Variants in PPP2R5E observed in about 807,000 individuals in gnomAD.
PPP2R5E encodes serine/threonine-protein phosphatase 2A 56 kDa regulatory subunit epsilon isoform.
A neutral mutation model predicts 65.3 loss-of-function variants in PPP2R5E; 4 were observed. The observed-to-expected ratio is 0.06, with a 90% CI of 0.03 to 0.14. The LOEUF is 0.14. Ranked by LOEUF, PPP2R5E falls within the 10% of genes least tolerant of loss-of-function variation. PPP2R5E has a pLI of 1.00. For missense variants in PPP2R5E, 274 were observed against 556.1 expected, an observed-to-expected ratio of 0.49 and a Z score of 5.10; for synonymous variants, 183 against 187.4, an observed-to-expected ratio of 0.98 and a Z score of 0.19.
chr14:63,372,948 A>G lies in PPP2R5E; in HGVS notation c.*3061T>C, dbSNP rs1883770563. 1 of 152,186 alleles carries G rather than the reference A, an allele frequency of 6.6e-6. No individual in the cohort carries two copies. The highest frequency in any genetic ancestry group is 2.1e-4 in the South Asian group (1 of 4,834). The allele number at this position is 152,186 out of a possible 1,614,324, so 9.4% of individuals were successfully genotyped here. On this transcript the variant is annotated 3_prime_UTR_variant, in exon 14 of 14. Transcript: ENST00000337537. The stretch of plus-strand genomic sequence containing the variant: ...TTTTTTTTCTTTTCTTTTATAAAAA[A>G]CAGTCAAATGTTAGGGAGAGCAAAA...
intron 4 of PPP2R5E, among the ~76,000 whole-genome samples, chr14:63,416,234 TG>T (rs1886675159): frequency 6.6e-6 from 1 of 152,224 alleles, no homozygotes; most frequent in Non-Finnish European, 1.5e-5. Flanking sequence ...GAGGGAGGAC[TG>T]CTTCAGCCCA....
At chr14:63,490,975 T>C (rs902434616) in intron 2 of PPP2R5E, among the ~76,000 whole-genome samples, 4 of 151,660 alleles carry the variant, frequency 2.6e-5, no homozygotes, top group African/African-American at 7.3e-5. Context: ...AGGAAAGATA[T>C]GGAATCAACC....
intron 2 of PPP2R5E, among the ~76,000 whole-genome samples, chr14:63,519,277 G>A (rs951731567): frequency 6.6e-6 from 1 of 152,174 alleles, no homozygotes; most frequent in Non-Finnish European, 1.5e-5. Context: ...ACTGGGTAGG[G>A]GATCTAGAGG....
chr14:63,377,047 C>T (rs1386176644), intron 13 of PPP2R5E, among the ~76,000 whole-genome samples: 1 of 151,846 alleles, frequency 6.6e-6, no homozygotes, highest in Non-Finnish European at 1.5e-5. Context: ...TCAGGAGAAT[C>T]GCTTGAACCC....
intron 4 of PPP2R5E, among the ~76,000 whole-genome samples, chr14:63,416,893 G>A (rs1030827464): frequency 5.9e-5 from 9 of 152,076 alleles, no homozygotes; most frequent in African/African-American, 2.2e-4. Flanking sequence ...GGCTGACGGA[G>A]ATCCAGGGAG....
chr14:63,444,338 T>C (rs1340612950), intron 3 of PPP2R5E, among the ~76,000 whole-genome samples: 1 of 152,228 alleles, frequency 6.6e-6, no homozygotes, highest in African/African-American at 2.4e-5. Context: ...ACCACCCTTC[T>C]ATCTACCTTC....
intron 2 of PPP2R5E, among the ~76,000 whole-genome samples, chr14:63,501,443 G>C (rs1470731784): frequency 6.6e-6 from 1 of 151,590 alleles, no homozygotes; most frequent in East Asian, 1.9e-4. Flanking sequence ...AAGATATAAT[G>C]ATGGTGGAAA....
chr14:63,426,699 C>CA (rs1191603099), intron 3 of PPP2R5E, among the ~76,000 whole-genome samples: 5,230 of 53,560 alleles, frequency 0.098, 178 homozygotes, highest in East Asian at 0.14. Context: ...AAAGGCTTAT[C>CA]AAAAAAAAAA....
intron 2 of PPP2R5E, among the ~76,000 whole-genome samples, chr14:63,523,255 G>A (rs1425004173): frequency 6.6e-6 from 1 of 152,148 alleles, no homozygotes; most frequent in Non-Finnish European, 1.5e-5. Flanking sequence ...TGGCGGTTTT[G>A]TGGAGTAGAA....
At chr14:63,413,034 A>G (rs1886488695) in intron 5 of PPP2R5E, among the ~76,000 whole-genome samples, 1 of 152,208 alleles carries the variant, frequency 6.6e-6, no homozygotes, top group Admixed American at 6.5e-5. Context: ...CCTAACAAAA[A>G]TGGAACAAGC....
intron 3 of PPP2R5E, among the ~76,000 whole-genome samples, chr14:63,448,831 G>A (rs2139459416): frequency 6.7e-6 from 1 of 149,784 alleles, no homozygotes; most frequent in South Asian, 2.1e-4. Flanking sequence ...TCTATGAAGT[G>A]CAATAAAACG....
chr14:63,526,520 TTC>T (rs1350296812), intron 2 of PPP2R5E, among the ~76,000 whole-genome samples: 1 of 151,892 alleles, frequency 6.6e-6, no homozygotes, highest in Non-Finnish European at 1.5e-5. Context: ...CTGTCTCTCT[TTC>T]TCTTTCTCTC....
chr14:63,372,036 A>C lies in PPP2R5E; in HGVS notation c.*3973T>G, dbSNP rs1002380073. ...ATTTACAATAAGTGATTTCAAAAAAAGTAAAGAAAGAGGAAGGGAAGAGGG... is the reference window on the plus strand; with the variant it reads ...ATTTACAATAAGTGATTTCAAAAAACGTAAAGAAAGAGGAAGGGAAGAGGG... On this transcript the variant is annotated 3_prime_UTR_variant, in exon 14 of 14. Transcript: ENST00000337537. 3 of 152,004 alleles carry C rather than the reference A, an allele frequency of 2.0e-5. No homozygotes were observed. Among genetic ancestry groups the C allele is most frequent in the African/African-American group, 7.2e-5 (3 of 41,394 alleles). 9.4% of individuals were successfully genotyped at this position (152,004 alleles called of 1,614,324 possible).
intron 2 of PPP2R5E, among the ~76,000 whole-genome samples, chr14:63,528,706 G>A (rs1434815366): frequency 6.6e-6 from 1 of 151,208 alleles, no homozygotes. Context: ...AAATTGGCCT[G>A]GGTTTTGCAA....
chr14:63,441,453 C>T (rs1311872618), intron 3 of PPP2R5E, among the ~76,000 whole-genome samples: 2 of 152,182 alleles, frequency 1.3e-5, no homozygotes, highest in African/African-American at 4.8e-5. Context: ...TAGTTACTGC[C>T]AGAAATGGGG....
At chr14:63,524,059 T>C (rs1386648930) in intron 2 of PPP2R5E, among the ~76,000 whole-genome samples, 1 of 152,226 alleles carries the variant, frequency 6.6e-6, no homozygotes, top group Non-Finnish European at 1.5e-5. Context: ...TTAATTCAAG[T>C]CTGTATCTCC....
intron 2 of PPP2R5E, among the ~76,000 whole-genome samples, chr14:63,455,387 C>T (rs1889060368): frequency 6.6e-6 from 1 of 152,174 alleles, no homozygotes; most frequent in Non-Finnish European, 1.5e-5. Context: ...CATTAGAGAA[C>T]AAGAAGCAGT....
chr14:63,427,483 G>A (rs561224581), intron 3 of PPP2R5E, among the ~76,000 whole-genome samples: 29 of 152,178 alleles, frequency 1.9e-4, no homozygotes, highest in South Asian at 1.5e-3. Context: ...AATACACATC[G>A]GATGTTAGGA....
At chr14:63,431,365 G>T (rs1887662336) in intron 3 of PPP2R5E, among the ~76,000 whole-genome samples, 1 of 151,938 alleles carries the variant, frequency 6.6e-6, no homozygotes, top group Admixed American at 6.6e-5. Context: ...ATCCACTGCA[G>T]GTCTAGCTTT....
Sources: gnomAD v4.1 joint callset for allele counts (sites outside exome capture counted in the v4.1 genomes callset) on GRCh38, gnomAD v4.1.1 for gene constraint, MANE v1.5 for transcripts, NCBI Gene and HGNC (gene_info 2026-07-23, HGNC 2026-07-21) for gene names.